Variants in CSMD1 observed in about 807,000 individuals in gnomAD.
The protein encoded by CSMD1 is CUB and sushi domain-containing protein 1.
In CSMD1, 213 loss-of-function variants were observed where a neutral mutation model predicts 417.5. That is an observed-to-expected ratio of 0.51 (90% CI 0.46 to 0.57). CSMD1 has a LOEUF of 0.57. Among genes scored for constraint, CSMD1 ranks in the 20% least tolerant of loss-of-function variants. The pLI is 0.00. For missense variants in CSMD1, 6,923 were observed against 4,529.7 expected (o/e 1.53, Z -15.17); for synonymous variants, 2,862 against 1,736.8 (o/e 1.65, Z -16.11).
At chr8:3,494,296 C>A (rs1012696269) in intron 10 of CSMD1, among the ~76,000 whole-genome samples, 1 of 152,090 alleles carries the variant, frequency 6.6e-6, no homozygotes, top group Non-Finnish European at 1.5e-5. Context: ...GACATCTGTA[C>A]AACAATGGTT....
intron 5 of CSMD1, among the ~76,000 whole-genome samples, chr8:3,904,445 T>G (rs554122874): frequency 2.6e-4 from 39 of 152,264 alleles, no homozygotes; most frequent in African/African-American, 8.7e-4. Context: ...TCTAGGAATG[T>G]CCCAGAGATT....
chr8:3,219,213 G>A (rs1798061585), intron 29 of CSMD1, 42 bp downstream of exon 29: 4 of 1,496,958 alleles, frequency 2.7e-6, no homozygotes, highest in African/African-American at 1.4e-5. Flanking sequence ...AAACAGTCCT[G>A]ATACAAATTA....
chr8:4,074,805 A>G (rs1563089378), intron 3 of CSMD1, among the ~76,000 whole-genome samples: 1 of 152,136 alleles, frequency 6.6e-6, no homozygotes, highest in African/African-American at 2.4e-5. Context: ...TGTGGTACAT[A>G]ATCATTTCCA....
chr8:3,206,342 TG>T, intron 30 of CSMD1, among the ~76,000 whole-genome samples: 3 of 130,464 alleles, frequency 2.3e-5, no homozygotes, highest in Non-Finnish European at 4.8e-5. Context: ...TATGTGTGTT[TG>T]GGGTGTGTGT....
intron 5 of CSMD1, among the ~76,000 whole-genome samples, chr8:3,914,099 T>G (rs1808643099): frequency 6.6e-6 from 1 of 152,204 alleles, no homozygotes; most frequent in African/African-American, 2.4e-5. Context: ...ATTATGTAAG[T>G]GCCTTGTCTT....
chr8:3,084,524 C>CAA (rs201491681), intron 49 of CSMD1, among the ~76,000 whole-genome samples: 21,710 of 97,266 alleles, frequency 0.22, 2,330 homozygotes, highest in African/African-American at 0.29. Context: ...AACTCCGTCT[C>CAA]AAAAAAAAAA....
chr8:4,155,312 T>G (rs573645461), intron 3 of CSMD1, among the ~76,000 whole-genome samples: 1 of 152,244 alleles, frequency 6.6e-6, no homozygotes, highest in Admixed American at 6.5e-5. Context: ...AGCGTTTGGG[T>G]CTCGCATTAG....
chr8:3,358,282 T>C (rs1042827946), intron 21 of CSMD1, among the ~76,000 whole-genome samples: 15 of 152,184 alleles, frequency 9.9e-5, no homozygotes, highest in African/African-American at 3.6e-4. Context: ...CTCATCTCCC[T>C]TTTTTCTTCA....
At chr8:3,604,348 C>G (rs895057788) in intron 8 of CSMD1, among the ~76,000 whole-genome samples, 1 of 152,078 alleles carries the variant, frequency 6.6e-6, no homozygotes, top group Non-Finnish European at 1.5e-5. Flanking sequence ...GGAAGTAGCA[C>G]GGAACAGGTA....
chr8:3,444,987 C>A (rs890268927), intron 12 of CSMD1, among the ~76,000 whole-genome samples: 1 of 152,160 alleles, frequency 6.6e-6, no homozygotes, highest in Non-Finnish European at 1.5e-5. Flanking sequence ...AACTCAAACT[C>A]GAACCTGTCC....
chr8:3,143,394 G>A (rs769910021), intron 40 of CSMD1, among the ~76,000 whole-genome samples: 1 of 152,238 alleles, frequency 6.6e-6, no homozygotes, highest in South Asian at 2.1e-4. Flanking sequence ...TAACAGCCTG[G>A]CACAGTTGAG....
At chr8:3,068,036 T>C (rs1813063034) in intron 49 of CSMD1, among the ~76,000 whole-genome samples, 1 of 152,310 alleles carries the variant, frequency 6.6e-6, no homozygotes, top group South Asian at 2.1e-4. Context: ...AAAAATATTT[T>C]ATGGTTTGCC....
intron 41 of CSMD1, among the ~76,000 whole-genome samples, chr8:3,141,213 G>A (rs1818418691): frequency 1.3e-5 from 2 of 152,062 alleles, no homozygotes; most frequent in South Asian, 4.1e-4. Flanking sequence ...TGAAGCTTAG[G>A]TAACACCCGT....
chr8:4,143,689 G>T lies in CSMD1; in HGVS notation c.416-111590C>A, dbSNP rs1360293941. ...AGGTTCTTGGCATTTAGAATAATTG[G>T]ATAAGATACACAAAGTAACAAAGGA... On this transcript the variant is annotated intron_variant, in intron 3 of 69. Coordinates refer to ENST00000635120, the MANE Select transcript of CSMD1 (RefSeq NM_033225.6). Among the ~76,000 whole-genome samples, 7 of 150,882 alleles carry T rather than the reference G, an allele frequency of 4.6e-5. 1 individual carries two copies. Among genetic ancestry groups the T allele is most frequent in the African/African-American group, 1.7e-4 (7 of 40,248 alleles).
At chr8:3,689,945 A>C (rs1290264958) in intron 7 of CSMD1, among the ~76,000 whole-genome samples, 3 of 152,226 alleles carry the variant, frequency 2.0e-5, no homozygotes, top group Admixed American at 2.0e-4. Flanking sequence ...TAAGTAGTAA[A>C]AGTGCTATAC....
chr8:4,761,861 ATC>A (rs1812097333), intron 1 of CSMD1, among the ~76,000 whole-genome samples: 6 of 81,262 alleles, frequency 7.4e-5, no homozygotes, highest in African/African-American at 2.6e-4. Flanking sequence ...CTATCTATCT[ATC>A]TATCTATCTA....
rs78585419 is a variant in CSMD1 at position 3,251,077 on chromosome 8, G to A, written c.4154-20846C>T. Among the ~76,000 whole-genome samples the A allele has an allele frequency of 2.8e-3, 425 of 152,056 alleles. 12 individuals are homozygous for A. In the East Asian group the frequency reaches 0.052, roughly 19 times the overall value. On this transcript the variant is annotated intron_variant, in intron 26 of 69. Coordinates refer to ENST00000635120, the MANE Select transcript of CSMD1 (RefSeq NM_033225.6). ...AAGCTCTTTAGTTTAATTAGATCCCGTTTGTCAATTTTGGGTTTTGTTGCC... is the reference window on the plus strand; with the variant it reads ...AAGCTCTTTAGTTTAATTAGATCCCATTTGTCAATTTTGGGTTTTGTTGCC...
chr8:3,260,392 G>C (rs1800969256), intron 26 of CSMD1, among the ~76,000 whole-genome samples: 2 of 151,206 alleles, frequency 1.3e-5, no homozygotes, highest in South Asian at 2.1e-4. Flanking sequence ...GGCCGAACAG[G>C]TTTGGAAAAC....
rs1057507279 is a variant in CSMD1, at chr8:3,054,926, G to C, written c.7475-2279C>G. Among the ~76,000 whole-genome samples the C allele has an allele frequency of 7.9e-5, 12 of 152,288 alleles. No homozygotes were observed. In the South Asian group the frequency reaches 1.2e-3, roughly 16 times the overall value. On this transcript the variant is annotated intron_variant, in intron 49 of 69. Transcript: ENST00000635120. ...AATTTCCTGAATGCAGTAAATGCCA[G>C]AGACCCATCCTTTCTTTTCTGTATC...
Sources: allele counts gnomAD v4.1 joint callset (sites outside exome capture counted in the v4.1 genomes callset), GRCh38; gene constraint gnomAD v4.1.1; transcripts MANE v1.5; gene names NCBI Gene and HGNC (gene_info 2026-07-23, HGNC 2026-07-21).